ATP11A: variants seen among roughly 807,000 people sequenced by gnomAD.
ATP11A encodes phospholipid-transporting ATPase IH.
Under a neutral mutation model 154.4 loss-of-function variants are expected in ATP11A, and 81 were observed. The observed-to-expected ratio is 0.52, with a 90% confidence interval of 0.44 to 0.63. ATP11A has a LOEUF of 0.63. Ranked by LOEUF, ATP11A falls within the 30% of genes least tolerant of loss-of-function variation. The pLI, the probability that ATP11A is intolerant of heterozygous loss-of-function variation, is 0.00. For synonymous variants in ATP11A, 623 were observed against 585.9 expected (o/e 1.06, Z -0.91); for missense variants, 1,316 against 1,474.3 (o/e 0.89, Z 1.76).
intron 19 of ATP11A, 116 bp downstream of exon 19, chr13:112,854,646 C>T: frequency 1.6e-6 from 2 of 1,268,150 alleles, no homozygotes; most frequent in East Asian, 2.5e-5. Context: ...TTCGGTTCTC[C>T]CCTGGGGCAT....
At chr13:112,694,584 A>G (rs2139449753) in intron 1 of ATP11A, among the ~76,000 whole-genome samples, 1 of 152,256 alleles carries the variant, frequency 6.6e-6, no homozygotes, top group East Asian at 1.9e-4. Flanking sequence ...CTTCCCTTCC[A>G]TGCCTCTATG....
At chr13:112,832,762 C>A (rs554421825) in intron 13 of ATP11A, 98 bp from the exon 14 acceptor site, 3 of 1,468,234 alleles carry the variant, frequency 2.0e-6, no homozygotes, top group African/African-American at 1.4e-5. Flanking sequence ...CGCGGGGACC[C>A]CCCCCACCCC....
At chr13:112,700,319 G>A (rs368170267) in intron 1 of ATP11A, among the ~76,000 whole-genome samples, 10 of 152,202 alleles carry the variant, frequency 6.6e-5, no homozygotes, top group African/African-American at 2.4e-4. Flanking sequence ...CCCGTGGTCC[G>A]TGCTGTGGGC....
At chr13:112,773,898 C>T (rs988999562) in intron 1 of ATP11A, among the ~76,000 whole-genome samples, 7 of 151,936 alleles carry the variant, frequency 4.6e-5, no homozygotes, top group Admixed American at 1.3e-4. Context: ...CACCCCACCT[C>T]GTGCCTTCCC....
intron 29 of ATP11A, chr13:112,881,495 T>C: frequency 9.1e-7 from 1 of 1,104,208 alleles, no homozygotes; most frequent in Non-Finnish European, 1.1e-6. Context: ...GGGAGGAAGC[T>C]CGTAGGTTTC....
At chr13:112,738,175 C>T (rs1038940574) in intron 1 of ATP11A, among the ~76,000 whole-genome samples, 1 of 151,962 alleles carries the variant, frequency 6.6e-6, no homozygotes, top group Non-Finnish European at 1.5e-5. Flanking sequence ...AGTTTGAGAC[C>T]AGCCTGGCCA....
chr13:112,774,660 C>A (rs980340517), intron 1 of ATP11A, among the ~76,000 whole-genome samples: 5 of 152,248 alleles, frequency 3.3e-5, no homozygotes, highest in Non-Finnish European at 5.9e-5. Flanking sequence ...ACTGAGCAGA[C>A]AGGGGAGGCT....
intron 6 of ATP11A, among the ~76,000 whole-genome samples, chr13:112,818,519 G>T (rs970726337): frequency 6.6e-6 from 1 of 152,248 alleles, no homozygotes. Context: ...CAGAGATGCT[G>T]TTGCCTCTTC....
chr13:112,840,646 G>C (rs925095661), intron 16 of ATP11A, among the ~76,000 whole-genome samples: 3 of 151,710 alleles, frequency 2.0e-5, no homozygotes, highest in African/African-American at 4.8e-5. Context: ...GTGTCACCAG[G>C]TGCCATCCTC....
intron 27 of ATP11A, among the ~76,000 whole-genome samples, chr13:112,874,283 C>T (rs536218118): frequency 2.2e-4 from 33 of 152,294 alleles, no homozygotes; most frequent in African/African-American, 7.2e-4. Context: ...GAGAGGGGCC[C>T]GGACCAGGCT....
At chr13:112,822,644 T>C (rs565695031) in intron 8 of ATP11A, among the ~76,000 whole-genome samples, 1 of 151,102 alleles carries the variant, frequency 6.6e-6, no homozygotes, top group Admixed American at 6.6e-5. Flanking sequence ...CTCAGCACTT[T>C]GGGAGGCCAA....
intron 17 of ATP11A, among the ~76,000 whole-genome samples, chr13:112,846,203 A>G (rs1487975782): frequency 6.6e-6 from 1 of 151,994 alleles, no homozygotes; most frequent in Non-Finnish European, 1.5e-5. Context: ...GCGTTTCATC[A>G]AGTTTAACAT....
At chr13:112,733,184 T>C (rs1042626716) in intron 1 of ATP11A, among the ~76,000 whole-genome samples, 2 of 152,216 alleles carry the variant, frequency 1.3e-5, no homozygotes, top group African/African-American at 4.8e-5. Context: ...TCCTTGTCCA[T>C]GCGCTTCCCC....
At chr13:112,821,383 A>C (rs1258438466) in intron 8 of ATP11A, among the ~76,000 whole-genome samples, 2 of 152,086 alleles carry the variant, frequency 1.3e-5, no homozygotes, top group African/African-American at 4.8e-5. Context: ...GCACTATCTC[A>C]GCTCACTGCA....
At chr13:112,727,979 G>T (rs1209972011) in intron 1 of ATP11A, among the ~76,000 whole-genome samples, 1 of 152,244 alleles carries the variant, frequency 6.6e-6, no homozygotes, top group African/African-American at 2.4e-5. Context: ...CAAGGGCCGT[G>T]TCTGGTGAGC....
At position 112,728,678 on chromosome 13, in the gene ATP11A, G is replaced by A. The variant is rs112456611; in HGVS notation, c.39+38223G>A. 6.6e-3 allele frequency among the ~76,000 whole-genome samples: 950 copies of A among 144,824 alleles called. 10 individuals are homozygous for A. The highest frequency in any genetic ancestry group is 0.023 in the African/African-American group (907 of 39,152). ...GTCAGTATCCACGCGTGGAGGGGCCGTGAGACTGCGGCCCGCCTCCCTGTG... is the reference window on the plus strand; with the variant it reads ...GTCAGTATCCACGCGTGGAGGGGCCATGAGACTGCGGCCCGCCTCCCTGTG... On this transcript the variant is annotated intron_variant, in intron 1 of 29. Coordinates refer to ENST00000375645, the MANE Select transcript of ATP11A (RefSeq NM_015205.3).
chr13:112,778,058 G>A (rs1288592076), intron 1 of ATP11A, among the ~76,000 whole-genome samples: 3 of 152,152 alleles, frequency 2.0e-5, no homozygotes, highest in Non-Finnish European at 4.4e-5. Flanking sequence ...ACTCCTTCCT[G>A]TTCCTTCTTC....
chr13:112,765,805 C>T (rs565440543), intron 1 of ATP11A, among the ~76,000 whole-genome samples: 2 of 152,244 alleles, frequency 1.3e-5, no homozygotes, highest in African/African-American at 4.8e-5. Flanking sequence ...ACGAATAATT[C>T]TCGCTGCAGA....
chr13:112,764,040 G>GT (rs2077019696), intron 1 of ATP11A, among the ~76,000 whole-genome samples: 2 of 152,182 alleles, frequency 1.3e-5, no homozygotes, highest in Non-Finnish European at 2.9e-5. Context: ...TGATATAAAC[G>GT]TAAGTTGTGG....
Sources: gnomAD v4.1 joint callset for allele counts (sites outside exome capture counted in the v4.1 genomes callset) on GRCh38, gnomAD v4.1.1 for gene constraint, MANE v1.5 for transcripts, NCBI Gene and HGNC (gene_info 2026-07-23, HGNC 2026-07-21) for gene names.